The following STARD13 variants were observed in gnomAD, a reference collection of about 807,000 sequenced individuals.
STARD13 encodes the protein StAR related lipid transfer domain containing 13.
STARD13 carries 62 observed loss-of-function variants against 106.4 expected under a neutral mutation model. The ratio of observed to expected loss-of-function variants is 0.58; its 90% CI spans 0.48 to 0.72. The LOEUF (loss-of-function observed/expected upper bound fraction) is 0.72. STARD13 is among the 30% of genes least tolerant of loss of function. The pLI is 0.00. For missense variants in STARD13, 1,387 were observed against 1,424.0 expected, an observed-to-expected ratio of 0.97 and a Z score of 0.42; for synonymous variants, 565 against 553.0, an observed-to-expected ratio of 1.02 and a Z score of -0.31.
At chr13:33,448,417 G>A in the STARD13 span, among the ~76,000 whole-genome samples, 1 of 152,114 alleles carries the variant, frequency 6.6e-6, no homozygotes, top group Non-Finnish European at 1.5e-5. Context: ...GTTCATCCAT[G>A]TTGCCACAAG....
chr13:33,620,161 T>C, the STARD13 span, among the ~76,000 whole-genome samples: 2 of 151,914 alleles, frequency 1.3e-5, no homozygotes, highest in Non-Finnish European at 2.9e-5. Flanking sequence ...AATAGACAAA[T>C]AGACACAAAC....
the STARD13 span, among the ~76,000 whole-genome samples, chr13:33,437,328 G>C: frequency 6.6e-6 from 1 of 152,120 alleles, no homozygotes; most frequent in Non-Finnish European, 1.5e-5. Context: ...CCTTAGAGTT[G>C]TGAGCCCTTA....
At chr13:33,673,550 CT>C in the STARD13 span, among the ~76,000 whole-genome samples, 116 of 137,052 alleles carry the variant, frequency 8.5e-4, 1 homozygote, top group South Asian at 4.0e-3. Context: ...ACTATTAACT[CT>C]TTTTTTTTTT....
At chr13:33,500,752 C>T in the STARD13 span, among the ~76,000 whole-genome samples, 1 of 152,128 alleles carries the variant, frequency 6.6e-6, no homozygotes, top group Admixed American at 6.6e-5. Flanking sequence ...GAACCAACTA[C>T]AGCAGGAATT....
chr13:33,251,855 T>C (rs1015972518), intron 1 of STARD13, among the ~76,000 whole-genome samples: 4 of 152,214 alleles, frequency 2.6e-5, no homozygotes, highest in African/African-American at 9.6e-5. Context: ...GGCTGCTACT[T>C]ACATTAAATG....
At chr13:33,424,259 C>T in the STARD13 span, among the ~76,000 whole-genome samples, 2 of 152,032 alleles carry the variant, frequency 1.3e-5, no homozygotes, top group Non-Finnish European at 2.9e-5. Flanking sequence ...TAACTTCTCT[C>T]GCCAGTATCT....
intron 1 of STARD13, among the ~76,000 whole-genome samples, chr13:33,303,890 G>A (rs913264952): frequency 6.6e-6 from 1 of 152,140 alleles, no homozygotes; most frequent in African/African-American, 2.4e-5. Flanking sequence ...ACTCTTAGGA[G>A]ACTTCAAATT....
At chr13:33,278,885 G>A (rs1891600751) in intron 1 of STARD13, among the ~76,000 whole-genome samples, 1 of 151,928 alleles carries the variant, frequency 6.6e-6, no homozygotes, top group Admixed American at 6.6e-5. Context: ...GCAATCTTTA[G>A]TTATATATTC....
chr13:33,205,770 T>C (rs1307453876), intron 1 of STARD13: 4 of 817,376 alleles, frequency 4.9e-6, no homozygotes, highest in African/African-American at 1.9e-5. Flanking sequence ...GAAGTAACTG[T>C]TGTCTTTCCC....
At chr13:33,429,933 G>C in the STARD13 span, among the ~76,000 whole-genome samples, 2 of 148,482 alleles carry the variant, frequency 1.3e-5, no homozygotes, top group Non-Finnish European at 3.0e-5. Context: ...TTTTTGGGGG[G>C]GGGGGACGGA....
chr13:33,463,930 G>T, the STARD13 span, among the ~76,000 whole-genome samples: 2 of 151,570 alleles, frequency 1.3e-5, no homozygotes, highest in Admixed American at 6.6e-5. Context: ...AGAATTGCTT[G>T]AACCCAGGAG....
the STARD13 span, among the ~76,000 whole-genome samples, chr13:33,598,973 TG>T: frequency 6.6e-6 from 1 of 152,228 alleles, no homozygotes; most frequent in African/African-American, 2.4e-5. Context: ...GAAATATTTA[TG>T]GTTTGCCATG....
the STARD13 span, among the ~76,000 whole-genome samples, chr13:33,404,172 T>G: frequency 1.3e-5 from 2 of 152,334 alleles, no homozygotes; most frequent in African/African-American, 4.8e-5. Flanking sequence ...TAATGGCTCC[T>G]AGAATACAGA....
chr13:33,373,128 G>A, the STARD13 span, among the ~76,000 whole-genome samples: 1 of 151,954 alleles, frequency 6.6e-6, no homozygotes, highest in Admixed American at 6.6e-5. Context: ...TCTCTTTCTT[G>A]CCATATGCTA....
At chr13:33,409,764 C>A in the STARD13 span, among the ~76,000 whole-genome samples, 5 of 152,168 alleles carry the variant, frequency 3.3e-5, no homozygotes, top group Non-Finnish European at 7.3e-5. Flanking sequence ...CATTTCAGAA[C>A]ATGACAGGTC....
At chr13:33,177,766 G>A (rs866955085) in intron 1 of STARD13, among the ~76,000 whole-genome samples, 1 of 88,684 alleles carries the variant, frequency 1.1e-5, no homozygotes, top group African/African-American at 5.0e-5. Context: ...AAGGAAGGAA[G>A]GAAAGGAAGG....
chr13:33,522,769 C>T, the STARD13 span, among the ~76,000 whole-genome samples: 7 of 152,138 alleles, frequency 4.6e-5, no homozygotes, highest in Admixed American at 4.6e-4. Context: ...GGTTTTGCCC[C>T]CTTGGGCAAG....
At chr13:33,674,887 T>C in the STARD13 span, among the ~76,000 whole-genome samples, 2 of 152,228 alleles carry the variant, frequency 1.3e-5, no homozygotes, top group Admixed American at 1.3e-4. Flanking sequence ...AACACATTAC[T>C]TAAATATTTA....
chr13:33,524,048 A>G, the STARD13 span, among the ~76,000 whole-genome samples: 20 of 152,138 alleles, frequency 1.3e-4, no homozygotes, highest in African/African-American at 4.6e-4. Flanking sequence ...TAACAACTAT[A>G]TATGTTCTCA....
Sources: allele counts gnomAD v4.1 joint callset (sites outside exome capture counted in the v4.1 genomes callset), GRCh38; gene constraint gnomAD v4.1.1; transcripts MANE v1.5; gene names NCBI Gene and HGNC (gene_info 2026-07-23, HGNC 2026-07-21).